The following PLCL2 variants were observed in gnomAD, a reference collection of about 807,000 sequenced individuals.
PLCL2 encodes inactive phospholipase C-like protein 2.
A neutral mutation model predicts 79.6 loss-of-function variants in PLCL2; 4 were observed. The observed-to-expected ratio is 0.05, with a 90% confidence interval of 0.02 to 0.11. The LOEUF (loss-of-function observed/expected upper bound fraction) is 0.11, where lower values mean the gene tolerates loss of function less well. Ranked by LOEUF, PLCL2 falls within the 10% of genes least tolerant of loss-of-function variation. The probability of loss-of-function intolerance (pLI) is 1.00; values close to 1 mark genes in which losing one functional copy is unlikely to be tolerated. For missense variants in PLCL2, 895 were observed against 1,291.0 expected (o/e 0.69, Z 4.70); for synonymous variants, 484 against 457.7 (o/e 1.06, Z -0.73).
At chr3:16,999,823 A>G (rs75704519) in intron 1 of PLCL2, among the ~76,000 whole-genome samples, 3,200 of 152,252 alleles carry the variant, frequency 0.021, 54 homozygotes, top group South Asian at 0.043. Flanking sequence ...TCTATAAATT[A>G]TGTAGTTTTC....
intron 5 of PLCL2, among the ~76,000 whole-genome samples, chr3:17,070,011 A>G (rs993870913): frequency 6.6e-6 from 1 of 152,236 alleles, no homozygotes; most frequent in Non-Finnish European, 1.5e-5. Context: ...AAGAAAATAT[A>G]TCACAGCAGA....
At chr3:16,961,665 C>T (rs540425323) in intron 1 of PLCL2, among the ~76,000 whole-genome samples, 17 of 152,170 alleles carry the variant, frequency 1.1e-4, no homozygotes, top group South Asian at 8.3e-4. Flanking sequence ...CAGAATGGGA[C>T]GCAGAAAGCA....
chr3:16,940,510 G>A (rs558553616), intron 1 of PLCL2, among the ~76,000 whole-genome samples: 79 of 152,302 alleles, frequency 5.2e-4, no homozygotes, highest in Admixed American at 1.3e-3. Context: ...GAAGAGGGGC[G>A]TGGGTTGAAA....
intron 5 of PLCL2, among the ~76,000 whole-genome samples, chr3:17,087,892 G>A (rs1010781618): frequency 3.3e-5 from 5 of 152,196 alleles, no homozygotes; most frequent in Non-Finnish European, 7.3e-5. Context: ...CTGTGAATGT[G>A]TGTAGCAATT....
In PLCL2 at chr3:16,955,420, G is replaced by A. The variant is rs905819962; in HGVS notation, c.328-54254G>A. ...TTTGGTACCAGTACCATGCTGTTTT[G>A]GTTACTGTAGCCTTATAGTATAGTT... On this transcript the variant is annotated intron_variant, in intron 1 of 5. Coordinates refer to ENST00000615277, the MANE Select transcript of PLCL2 (RefSeq NM_001144382.2). 7.9e-5 allele frequency among the ~76,000 whole-genome samples: 12 copies of A among 152,128 alleles called. 1 individual carries two copies. Among genetic ancestry groups the A allele is most frequent in the African/African-American group, 2.9e-4 (12 of 41,408 alleles).
At chr3:17,072,118 C>G (rs368957858) in intron 5 of PLCL2, among the ~76,000 whole-genome samples, 2 of 151,958 alleles carry the variant, frequency 1.3e-5, no homozygotes, top group African/African-American at 2.4e-5. Context: ...TGAGCCATCA[C>G]GCCTGACTGA....
At chr3:17,057,908 C>T (rs958993643) in intron 4 of PLCL2, among the ~76,000 whole-genome samples, 3 of 152,196 alleles carry the variant, frequency 2.0e-5, no homozygotes, top group East Asian at 1.9e-4. Flanking sequence ...TCTTACTCTC[C>T]GTCTGACCAG....
At chr3:16,969,600 T>C (rs964268256) in intron 1 of PLCL2, among the ~76,000 whole-genome samples, 5 of 152,076 alleles carry the variant, frequency 3.3e-5, no homozygotes, top group African/African-American at 4.8e-5. Context: ...CCCTTTGTCA[T>C]TTCTGATTGT....
chr3:17,037,850 T>C (rs1217035123), intron 3 of PLCL2, among the ~76,000 whole-genome samples: 2 of 152,144 alleles, frequency 1.3e-5, no homozygotes, highest in Admixed American at 1.3e-4. Context: ...AAATGGAATT[T>C]TCCTAGTTGA....
In PLCL2 at chr3:17,011,935, C is replaced by T. The variant is rs758548250; in HGVS notation, c.2589C>T (p.Ser863=). Reference sequence around the variant, plus strand: ...GCTACCGCCATGTCCCCCTGCAGTCCTTAACTGGAGAGGTCCTTGCACATG... The same window carrying T: ...GCTACCGCCATGTCCCCCTGCAGTCTTTAACTGGAGAGGTCCTTGCACATG... ...QTGYRHVPLQ[S]LTGEVLAHAS... The change falls in exon 2 of 6, where the codon TCC becomes TCT. Residue 863 remains serine, a synonymous_variant. Transcript: ENST00000615277. The surrounding 1 kb of genome is among the most constrained non-coding windows in gnomAD (Gnocchi z 7.9). 3.1e-6 allele frequency: 5 copies of T among 1,614,088 alleles called. No individual in the cohort carries two copies. In the African/African-American group the frequency reaches 4.0e-5, roughly 13 times the overall value.
At chr3:16,984,006 C>T (rs1415856947) in intron 1 of PLCL2, among the ~76,000 whole-genome samples, 1 of 152,152 alleles carries the variant, frequency 6.6e-6, no homozygotes, top group Admixed American at 6.5e-5. Context: ...TTATTTTCAA[C>T]CATTTAGGTA....
Position 17,084,862 on chromosome 3 carries a change from G to A in PLCL2, c.3205-4871G>A, listed in dbSNP as rs114948388. 6.9e-3 allele frequency among the ~76,000 whole-genome samples: 1,055 copies of A among 152,256 alleles called. 7 individuals carry two copies. The highest frequency in any genetic ancestry group is 0.017 in the Admixed American group (260 of 15,294). ...ACTGAAAGCATTCCCGATAAGATTA[G>A]GGACAAAGCAAAGATGTTCTCTGAC... is the stretch of plus-strand genomic sequence containing the variant. On this transcript the variant is annotated intron_variant, in intron 5 of 5. Coordinates refer to ENST00000615277, the MANE Select transcript of PLCL2 (RefSeq NM_001144382.2).
intron 1 of PLCL2, among the ~76,000 whole-genome samples, chr3:16,993,879 A>G (rs1043314075): frequency 6.6e-6 from 1 of 152,208 alleles, no homozygotes; most frequent in African/African-American, 2.4e-5. Flanking sequence ...AAAATGGTAT[A>G]GAGACCCTCT....
At chr3:17,084,409 G>A (rs1429972275) in intron 5 of PLCL2, among the ~76,000 whole-genome samples, 1 of 152,184 alleles carries the variant, frequency 6.6e-6, no homozygotes, top group African/African-American at 2.4e-5. Flanking sequence ...TAGAAGCAGA[G>A]TGAATACTTC....
intron 1 of PLCL2, among the ~76,000 whole-genome samples, chr3:16,906,446 C>T (rs751452305): frequency 2.0e-5 from 3 of 152,066 alleles, no homozygotes; most frequent in Non-Finnish European, 4.4e-5. Context: ...TAATGTGGAA[C>T]TTATATTTTT....
intron 1 of PLCL2, among the ~76,000 whole-genome samples, chr3:16,946,310 A>T (rs1378956011): frequency 2.6e-5 from 4 of 152,060 alleles, no homozygotes. Flanking sequence ...TCGGAATTCC[A>T]CAGAAGAGAG....
intron 1 of PLCL2, among the ~76,000 whole-genome samples, chr3:17,004,799 T>A (rs1157745953): frequency 6.6e-6 from 1 of 152,160 alleles, no homozygotes; most frequent in Non-Finnish European, 1.5e-5. Flanking sequence ...AGTTTTGTAT[T>A]GTTGTGTAAA....
At chr3:17,025,969 A>G (rs1299094859) in intron 3 of PLCL2, among the ~76,000 whole-genome samples, 4 of 152,198 alleles carry the variant, frequency 2.6e-5, no homozygotes, top group African/African-American at 9.7e-5. Flanking sequence ...CCTTCTGCAC[A>G]GTAACTGCTC....
At chr3:16,966,685 C>T (rs912733467) in intron 1 of PLCL2, among the ~76,000 whole-genome samples, 6 of 152,010 alleles carry the variant, frequency 3.9e-5, no homozygotes, top group African/African-American at 7.3e-5. Flanking sequence ...ATTATTGCCT[C>T]AATTTCAGAG....
Sources: allele counts gnomAD v4.1 joint callset (sites outside exome capture counted in the v4.1 genomes callset), GRCh38; gene constraint gnomAD v4.1.1; non-coding constraint Gnocchi (gnomAD v3.1); transcripts MANE v1.5; gene names NCBI Gene and HGNC (gene_info 2026-07-23, HGNC 2026-07-21).